The following PDK1 variants were observed in gnomAD, a reference collection of about 807,000 sequenced individuals.
PDK1 encodes pyruvate dehydrogenase kinase 1.
PDK1 carries 39 observed loss-of-function variants against 54.2 expected under a neutral mutation model. The ratio of observed to expected loss-of-function variants is 0.72; its 90% confidence interval spans 0.56 to 0.94. The LOEUF (loss-of-function observed/expected upper bound fraction) is 0.94. PDK1 is among the 40% of genes least tolerant of loss of function. PDK1 has a pLI of 0.00. For missense variants in PDK1, 552 were observed against 566.0 expected (o/e 0.98, Z 0.25); for synonymous variants, 221 against 207.1 (o/e 1.07, Z -0.58).
the PDK1 span, among the ~76,000 whole-genome samples, chr2:172,619,980 C>T: frequency 9.9e-5 from 15 of 152,172 alleles, no homozygotes; most frequent in Admixed American, 9.2e-4. Context: ...GCCTGGCCAA[C>T]ATGGCAAAAC....
At chr2:172,660,295 C>T in the PDK1 span, among the ~76,000 whole-genome samples, 2 of 89,974 alleles carry the variant, frequency 2.2e-5, no homozygotes, top group African/African-American at 8.5e-5. Context: ...CTTGCTTTAT[C>T]ACCCAGGCTA....
chr2:172,564,732 G>A, intron 4 of PDK1, 45 bp downstream of exon 4: 3 of 1,475,966 alleles, frequency 2.0e-6, no homozygotes, highest in Non-Finnish European at 2.8e-6. Flanking sequence ...AATGAGATGT[G>A]TTGGCATATT....
the PDK1 span, among the ~76,000 whole-genome samples, chr2:172,715,856 T>C: frequency 6.6e-6 from 1 of 152,226 alleles, no homozygotes; most frequent in Non-Finnish European, 1.5e-5. Flanking sequence ...TTTGAAGGGC[T>C]AGAGTTCAAA....
At chr2:172,715,183 T>C in the PDK1 span, among the ~76,000 whole-genome samples, 1 of 152,162 alleles carries the variant, frequency 6.6e-6, no homozygotes, top group African/African-American at 2.4e-5. Context: ...TCAAGGCAGC[T>C]TCCCTGTAGG....
the PDK1 span, chr2:172,723,475 TGAG>T: frequency 1.3e-5 from 2 of 152,160 alleles, no homozygotes; most frequent in African/African-American, 4.8e-5. Context: ...TTTCTAATCT[TGAG>T]GAAACAGACA....
chr2:172,638,679 A>G, the PDK1 span, among the ~76,000 whole-genome samples: 6 of 141,542 alleles, frequency 4.2e-5, no homozygotes, highest in African/African-American at 9.8e-5. Context: ...TGCACCAATC[A>G]GTGCTCTGTG....
At chr2:172,585,879 A>ACT (rs1690194326) in intron 8 of PDK1, among the ~76,000 whole-genome samples, 1 of 152,044 alleles carries the variant, frequency 6.6e-6, no homozygotes, top group African/African-American at 2.4e-5. Context: ...CAAAAGCAGC[A>ACT]CTCAGGCTGG....
chr2:172,586,649 C>T (rs528389276), intron 9 of PDK1, among the ~76,000 whole-genome samples: 1 of 152,032 alleles, frequency 6.6e-6, no homozygotes, highest in Non-Finnish European at 1.5e-5. Context: ...CTGTGTAAAA[C>T]CACATTTTGA....
At chr2:172,675,480 A>T in the PDK1 span, among the ~76,000 whole-genome samples, 2 of 152,234 alleles carry the variant, frequency 1.3e-5, no homozygotes, top group Non-Finnish European at 2.9e-5. Flanking sequence ...GATATGGAGA[A>T]GGTTTGAGTG....
chr2:172,701,466 G>A, the PDK1 span, among the ~76,000 whole-genome samples: 1 of 152,180 alleles, frequency 6.6e-6, no homozygotes, highest in Non-Finnish European at 1.5e-5. Context: ...GATGGTTGAT[G>A]CAGGAGTCAG....
At chr2:172,705,331 A>G in the PDK1 span, among the ~76,000 whole-genome samples, 12 of 152,240 alleles carry the variant, frequency 7.9e-5, 1 homozygote, top group African/African-American at 2.9e-4. Context: ...ATCTTCTTAC[A>G]GAATGATTCC....
At chr2:172,628,025 C>A in the PDK1 span, among the ~76,000 whole-genome samples, 1,045 of 152,324 alleles carry the variant, frequency 6.9e-3, 11 homozygotes, top group African/African-American at 0.023. Flanking sequence ...CCTTCTCAAA[C>A]CAATTGCAAA....
the PDK1 span, among the ~76,000 whole-genome samples, chr2:172,659,100 G>A: frequency 6.6e-6 from 1 of 152,078 alleles, no homozygotes; most frequent in Non-Finnish European, 1.5e-5. Context: ...AAACCTGCAG[G>A]TTTTGTGGCT....
In PDK1 at chr2:172,599,648, A is replaced by G. The variant is rs149072304; in HGVS notation, c.*3679A>G. ...AATTTTTTGCATGTTAAAAAAAGCA[A>G]ACCACTAGTTTGCTTAGTTCTGGCA... On this transcript the variant is annotated 3_prime_UTR_variant, in exon 11 of 11. Coordinates refer to ENST00000282077, the MANE Select transcript of PDK1 (RefSeq NM_002610.5). 3 of 152,348 alleles carry G rather than the reference A, an allele frequency of 2.0e-5. No homozygotes were observed. The highest frequency in any genetic ancestry group is 7.2e-5 in the African/African-American group (3 of 41,594). 9.4% of individuals were successfully genotyped at this position (152,348 alleles called of 1,614,324 possible). A position where few individuals can be genotyped will look rare whatever the true frequency, so the allele number is the denominator to read the frequency against.
chr2:172,562,303 AT>A lies in PDK1; in HGVS notation c.410+16del. 6.5e-7 allele frequency: 1 copy of A among 1,527,106 alleles called. No homozygotes were observed. The highest frequency in any genetic ancestry group is 9.1e-7 in the Non-Finnish European group (1 of 1,104,798). The allele number at this position is 1,527,106 out of a possible 1,614,324, so 94.6% of individuals were successfully genotyped here. On this transcript the variant is annotated intron_variant, in intron 3 of 10. Transcript: ENST00000282077. ...AAAGCTATTTATGAGTAAGTTCACT[AT>A]TTTGACCCTATTCTTAAACCTATTA...
At chr2:172,621,986 CAT>C in the PDK1 span, among the ~76,000 whole-genome samples, 3 of 144,186 alleles carry the variant, frequency 2.1e-5, no homozygotes, top group East Asian at 6.1e-4. Context: ...GTTTATATCT[CAT>C]GATGCATGTT....
At chr2:172,559,605 T>C (rs1688548600) in intron 2 of PDK1, among the ~76,000 whole-genome samples, 1 of 152,206 alleles carries the variant, frequency 6.6e-6, no homozygotes, top group Non-Finnish European at 1.5e-5. Flanking sequence ...TGGAGTGCAA[T>C]GGCATGATCT....
the PDK1 span, among the ~76,000 whole-genome samples, chr2:172,688,145 A>G: frequency 1.3e-5 from 2 of 152,304 alleles, no homozygotes; most frequent in East Asian, 3.9e-4. Context: ...TCTATTTAAA[A>G]CATGTAGGAC....
rs1691054576 is a variant in PDK1 at position 172,599,859 on chromosome 2, A to C, written c.*3890A>C. ...CTCTACTCTTTTTGGTTGACTTGGA[A>C]AAGCTGTTGTTTATATTGGGAATTG... is the stretch of plus-strand genomic sequence containing the variant. On this transcript the variant is annotated 3_prime_UTR_variant, in exon 11 of 11. Transcript: ENST00000282077. 1 of 152,192 alleles carries C rather than the reference A, an allele frequency of 6.6e-6. No individual in the cohort carries two copies. Among genetic ancestry groups the C allele is most frequent in the Non-Finnish European group, 1.5e-5 (1 of 68,040 alleles). The allele number at this position is 152,192 out of a possible 1,614,324, so 9.4% of individuals were successfully genotyped here. A position where few individuals can be genotyped will look rare whatever the true frequency, so the allele number is the denominator to read the frequency against.
Sources: allele counts gnomAD v4.1 joint callset (sites outside exome capture counted in the v4.1 genomes callset), GRCh38; gene constraint gnomAD v4.1.1; transcripts MANE v1.5; gene names NCBI Gene and HGNC (gene_info 2026-07-23, HGNC 2026-07-21).